The following GRIK3 variants were observed in gnomAD, a reference collection of about 807,000 sequenced individuals.
The protein encoded by GRIK3 is glutamate receptor ionotropic, kainate 3.
In GRIK3, 29 loss-of-function variants were observed where a neutral mutation model predicts 102.5. The ratio of observed to expected loss-of-function variants is 0.28; its 90% CI spans 0.21 to 0.39. The LOEUF is 0.39. Among genes scored for constraint, GRIK3 ranks in the 10% least tolerant of loss-of-function variants. GRIK3 has a pLI of 1.00. For synonymous variants in GRIK3, 511 were observed against 504.9 expected (o/e 1.01, Z -0.16); for missense variants, 908 against 1,252.4 (o/e 0.73, Z 4.15).
intron 1 of GRIK3, among the ~76,000 whole-genome samples, chr1:36,997,695 G>A (rs912699313): frequency 1.5e-4 from 23 of 152,164 alleles, no homozygotes; most frequent in Middle Eastern, 3.2e-3. Flanking sequence ...TCAGTCTGAG[G>A]AGTGCCGTGG....
At chr1:37,015,514 G>A (rs1642644559) in intron 1 of GRIK3, among the ~76,000 whole-genome samples, 1 of 152,192 alleles carries the variant, frequency 6.6e-6, no homozygotes, top group Admixed American at 6.5e-5. Context: ...TCTGGGCTGG[G>A]GAGCCAGTGC....
intron 2 of GRIK3, among the ~76,000 whole-genome samples, chr1:36,884,115 G>A (rs912984628): frequency 6.6e-6 from 1 of 152,156 alleles, no homozygotes; most frequent in Non-Finnish European, 1.5e-5. Flanking sequence ...CCAAGGCCAG[G>A]TGCAGGAGAG....
At chr1:37,008,166 C>T (rs1557461473) in intron 1 of GRIK3, among the ~76,000 whole-genome samples, 1 of 152,162 alleles carries the variant, frequency 6.6e-6, no homozygotes, top group South Asian at 2.1e-4. Context: ...TACGGGGTCT[C>T]GCAGGAAAAG....
rs888988367 is a variant in GRIK3 at position 36,819,216 on chromosome 1, C to G, written c.1873+520G>C. On this transcript the variant is annotated intron_variant, in intron 12 of 15. Coordinates refer to ENST00000373091, the MANE Select transcript of GRIK3 (RefSeq NM_000831.4). This position sits in a 1 kb window ranked among gnomAD's most constrained non-coding sequence, Gnocchi z 4.1. Reference sequence around the variant, plus strand: ...TACTCCCAGGCACCTCACAGCCAAGCGGCCACGGAGTCCCATCCACAGTGT... The same window carrying G: ...TACTCCCAGGCACCTCACAGCCAAGGGGCCACGGAGTCCCATCCACAGTGT... Among the ~76,000 whole-genome samples the G allele has an allele frequency of 2.0e-5, 3 of 152,216 alleles. No individual in the cohort carries two copies. The highest frequency in any genetic ancestry group is 7.2e-5 in the African/African-American group (3 of 41,454).
intron 1 of GRIK3, among the ~76,000 whole-genome samples, chr1:36,929,779 T>G (rs1005158091): frequency 6.6e-6 from 1 of 152,256 alleles, no homozygotes; most frequent in African/African-American, 2.4e-5. Flanking sequence ...CAATAAACAT[T>G]ATCTCACAAA....
At chr1:36,824,664 GA>G (rs983166770) in intron 11 of GRIK3, among the ~76,000 whole-genome samples, 1 of 151,918 alleles carries the variant, frequency 6.6e-6, no homozygotes, top group African/African-American at 2.4e-5. Context: ...AGGATTTAGA[GA>G]AAAAAAAGGA....
chr1:36,832,341 C>T (rs749385269), intron 10 of GRIK3, among the ~76,000 whole-genome samples: 71 of 152,180 alleles, frequency 4.7e-4, no homozygotes, highest in Non-Finnish European at 5.7e-4. Context: ...ACCCAGCGAG[C>T]GTGTCCTCTG....
chr1:36,973,599 T>A (rs1642166682), intron 1 of GRIK3, among the ~76,000 whole-genome samples: 1 of 151,222 alleles, frequency 6.6e-6, no homozygotes, highest in African/African-American at 2.4e-5. Flanking sequence ...TTTTTTTTTT[T>A]TGTATTTTTA....
intron 1 of GRIK3, among the ~76,000 whole-genome samples, chr1:37,011,740 T>C (rs1016686581): frequency 1.3e-5 from 2 of 152,214 alleles, no homozygotes; most frequent in African/African-American, 4.8e-5. Flanking sequence ...TCAAAAAATG[T>C]ACATGAGTGA....
chr1:36,924,816 C>T (rs1018430387), intron 1 of GRIK3, among the ~76,000 whole-genome samples: 4 of 152,104 alleles, frequency 2.6e-5, no homozygotes, highest in Non-Finnish European at 2.9e-5. Context: ...CGTGCACACA[C>T]CTTCTCGCAG....
At chr1:36,938,513 T>A (rs1286453958) in intron 1 of GRIK3, among the ~76,000 whole-genome samples, 1 of 152,014 alleles carries the variant, frequency 6.6e-6, no homozygotes, top group Non-Finnish European at 1.5e-5. Context: ...ATTGGAGAAA[T>A]GTGTTTTCAG....
intron 1 of GRIK3, among the ~76,000 whole-genome samples, chr1:36,956,211 G>A (rs543041856): frequency 1.3e-5 from 2 of 152,364 alleles, no homozygotes; most frequent in East Asian, 3.9e-4. Flanking sequence ...GCAAGAGAGG[G>A]GAAGAGGCCC....
chr1:36,999,918 A>G (rs1026428380), intron 1 of GRIK3, among the ~76,000 whole-genome samples: 8 of 151,954 alleles, frequency 5.3e-5, no homozygotes, highest in African/African-American at 1.9e-4. Flanking sequence ...AATCGCTTGA[A>G]CCTGGGAGGC....
rs531388940 is a variant in GRIK3, at chr1:36,920,935, C to T, written c.116-29839G>A. On this transcript the variant is annotated intron_variant, in intron 1 of 15. Coordinates refer to ENST00000373091, the MANE Select transcript of GRIK3 (RefSeq NM_000831.4). ...CCTGCATGCCTGCTGCCTCCCGCCCCCTCCATGCATACTGGCTGTTAGGAT... is the reference window on the plus strand; with the variant it reads ...CCTGCATGCCTGCTGCCTCCCGCCCTCTCCATGCATACTGGCTGTTAGGAT... Among the ~76,000 whole-genome samples, 6 of 152,346 alleles carry T rather than the reference C, an allele frequency of 3.9e-5. 1 individual carries two copies. The South Asian group carries it at 1.2e-3, about 32-fold the overall frequency.
intron 10 of GRIK3, among the ~76,000 whole-genome samples, chr1:36,831,398 T>C (rs1640294558): frequency 6.6e-6 from 1 of 152,222 alleles, no homozygotes; most frequent in Non-Finnish European, 1.5e-5. Flanking sequence ...GCCTCACTCC[T>C]GCCATGCATA....
At chr1:36,992,676 G>A (rs936020652) in intron 1 of GRIK3, among the ~76,000 whole-genome samples, 66 of 152,166 alleles carry the variant, frequency 4.3e-4, no homozygotes, top group African/African-American at 1.5e-3. Context: ...GCTCAGTGGA[G>A]GGCAGTACTT....
chr1:37,005,934 G>A (rs976652463), intron 1 of GRIK3, among the ~76,000 whole-genome samples: 2 of 152,136 alleles, frequency 1.3e-5, no homozygotes, highest in African/African-American at 4.8e-5. Flanking sequence ...TAGGCAGTGG[G>A]GAGCCCTTGA....
At chr1:36,983,045 C>T (rs1161153188) in intron 1 of GRIK3, among the ~76,000 whole-genome samples, 1 of 152,196 alleles carries the variant, frequency 6.6e-6, no homozygotes, top group Non-Finnish European at 1.5e-5. Context: ...TTATTGCACA[C>T]ACATGGGCTC....
chr1:36,966,089 T>A (rs578077007), intron 1 of GRIK3, among the ~76,000 whole-genome samples: 220 of 152,264 alleles, frequency 1.4e-3, no homozygotes, highest in African/African-American at 5.2e-3. Flanking sequence ...TGCCCCATGG[T>A]CCCAAGAGAC....
Sources: gnomAD v4.1 joint callset for allele counts (sites outside exome capture counted in the v4.1 genomes callset) on GRCh38, gnomAD v4.1.1 for gene constraint, Gnocchi (gnomAD v3.1) non-coding constraint, MANE v1.5 for transcripts, NCBI Gene and HGNC (gene_info 2026-07-23, HGNC 2026-07-21) for gene names.